TMEM128: variants seen among roughly 807,000 people sequenced by gnomAD.
The protein encoded by TMEM128 is transmembrane protein 128.
Under a neutral mutation model 19.7 loss-of-function variants are expected in TMEM128, and 16 were observed. The ratio of observed to expected loss-of-function variants is 0.81; its 90% CI spans 0.55 to 1.23. The LOEUF is 1.23. Among genes scored for constraint, TMEM128 ranks in the 50% most tolerant of loss-of-function variants. TMEM128 has a pLI of 0.00. For missense variants in TMEM128, 237 were observed against 200.8 expected, an observed-to-expected ratio of 1.18 and a Z score of -1.09; for synonymous variants, 98 against 75.8, an observed-to-expected ratio of 1.29 and a Z score of -1.52.
Position 4,247,633 on chromosome 4 carries a change from T to C in TMEM128, c.97+473A>G. The C allele has an allele frequency of 2.5e-6, 4 of 1,614,202 alleles. No homozygotes were observed. The East Asian group carries it at 6.7e-5, about 27-fold the overall frequency. ...GTACCCAAATGGCGGCATACCATAGTGTTCCACACTTCCCTTTGAAAATCA... is the reference window on the plus strand; with the variant it reads ...GTACCCAAATGGCGGCATACCATAGCGTTCCACACTTCCCTTTGAAAATCA... On this transcript the variant is annotated intron_variant, in intron 1 of 4. Transcript: ENST00000382753.
At chr4:4,237,972 A>G (rs369420614) in intron 3 of TMEM128, 37 bp from the exon 4 acceptor site, 30 of 1,245,526 alleles carry the variant, frequency 2.4e-5, no homozygotes, top group Non-Finnish European at 3.2e-5. Flanking sequence ...GACAACTCCA[A>G]TATGCATCAA....
intron 1 of TMEM128, 147 bp downstream of exon 1, chr4:4,247,959 C>T (rs1367498486): frequency 7.0e-7 from 1 of 1,436,610 alleles, no homozygotes; most frequent in South Asian, 1.5e-5. Context: ...CAGCACTCCG[C>T]GATTCTAAGG....
At chr4:4,246,430 G>C (rs1718176408) in intron 1 of TMEM128, 87 bp from the exon 2 acceptor site, 1 of 1,359,006 alleles carries the variant, frequency 7.4e-7, no homozygotes, top group African/African-American at 1.5e-5. Context: ...TCATTTCCTA[G>C]AGCTAAGAAA....
chr4:4,244,951 C>G (rs985795004), intron 2 of TMEM128, among the ~76,000 whole-genome samples: 1 of 152,126 alleles, frequency 6.6e-6, no homozygotes, highest in Admixed American at 6.5e-5. Flanking sequence ...ATAAACTCCC[C>G]TCTGCCTACT....
At chr4:4,247,682 A>AC in intron 1 of TMEM128, 2 of 1,613,626 alleles carry the variant, frequency 1.2e-6, no homozygotes, top group Non-Finnish European at 1.7e-6. Context: ...ATACGAGTCG[A>AC]CCTGATGTGT....
intron 2 of TMEM128, among the ~76,000 whole-genome samples, chr4:4,244,358 T>C (rs2108820655): frequency 6.6e-6 from 1 of 152,204 alleles, no homozygotes; most frequent in South Asian, 2.1e-4. Context: ...GCGCCTATAG[T>C]CCTAGCTACT....
At chr4:4,236,880 C>G (rs1278730365) in intron 4 of TMEM128, among the ~76,000 whole-genome samples, 4 of 152,200 alleles carry the variant, frequency 2.6e-5, no homozygotes, top group African/African-American at 9.7e-5. Context: ...CCACACCTGT[C>G]AACTGCTGTA....
intron 3 of TMEM128, 121 bp from the exon 4 acceptor site, chr4:4,238,056 G>A: frequency 3.5e-6 from 2 of 578,458 alleles, no homozygotes; most frequent in Non-Finnish European, 5.8e-6. Flanking sequence ...CTTTCTCTAT[G>A]TATCATATTT....
chr4:4,238,462 C>T (rs1717813585), intron 3 of TMEM128, among the ~76,000 whole-genome samples: 2 of 152,048 alleles, frequency 1.3e-5, no homozygotes, highest in African/African-American at 4.8e-5. Context: ...ATAGGGAAAA[C>T]TATATTCAAA....
intron 2 of TMEM128, among the ~76,000 whole-genome samples, chr4:4,242,139 C>G (rs1268528627): frequency 6.6e-6 from 1 of 152,052 alleles, no homozygotes; most frequent in Non-Finnish European, 1.5e-5. Context: ...AATTCCTGAC[C>G]TCAAGTGATC....
intron 2 of TMEM128, among the ~76,000 whole-genome samples, chr4:4,245,204 G>C (rs1338675206): frequency 6.6e-6 from 1 of 152,008 alleles, no homozygotes; most frequent in Non-Finnish European, 1.5e-5. Flanking sequence ...TTATCCAAGG[G>C]TCTCCACATC....
At position 4,246,355 on chromosome 4, in the gene TMEM128, G is replaced by A; in HGVS notation, c.98-12C>T. 1 of 1,588,194 alleles carries A rather than the reference G, an allele frequency of 6.3e-7. No individual in the cohort carries two copies. Among genetic ancestry groups the A allele is most frequent in the Non-Finnish European group, 8.5e-7 (1 of 1,171,806 alleles). On this transcript the variant is annotated splice_polypyrimidine_tract_variant and intron_variant, in intron 1 of 4. Transcript: ENST00000382753. ...AGCTGTGGAGGTTTCTGCAAATAAG[G>A]GAGATTTCAACTTATTAAGTTACCA...
Position 4,248,189 on chromosome 4 carries a change from C to G in TMEM128, c.14G>C (p.Arg5Pro). Residue 5 changes from arginine (R) to proline (P), a missense_variant, in exon 1 of 5, where the codon CGG (arginine) becomes CCG (proline). Coordinates refer to ENST00000382753, the MANE Select transcript of TMEM128 (RefSeq NM_001297551.2). MDSS[R>P]ARQQLRRRFL... ...TCGCCGCCGGAGCTGCTGCCGGGCCCGCGAGGAGTCCATCTTGGTACCGCC... is the reference window on the plus strand; with the variant it reads ...TCGCCGCCGGAGCTGCTGCCGGGCCGGCGAGGAGTCCATCTTGGTACCGCC... The G allele has an allele frequency of 6.6e-7, 1 of 1,525,406 alleles. No individual in the cohort carries two copies. The highest frequency in any genetic ancestry group is 8.8e-7 in the Non-Finnish European group (1 of 1,136,922). The allele number at this position is 1,525,406 out of a possible 1,614,324, so 94.5% of individuals were successfully genotyped here. A position where few individuals can be genotyped will look rare whatever the true frequency, so the allele number is the denominator to read the frequency against.
chr4:4,245,506 C>G (rs1173044318), intron 2 of TMEM128, among the ~76,000 whole-genome samples: 1 of 152,184 alleles, frequency 6.6e-6, no homozygotes, highest in Non-Finnish European at 1.5e-5. Flanking sequence ...TGTACTTGGT[C>G]TTTGAAGACC....
chr4:4,247,524 A>T, intron 1 of TMEM128: 1 of 1,606,574 alleles, frequency 6.2e-7, no homozygotes, highest in Non-Finnish European at 8.5e-7. Context: ...AATCCCCAGA[A>T]GCAACCACCA....
chr4:4,237,851 G>C lies in TMEM128; in HGVS notation c.483C>G (p.Ile161Met). The stretch of plus-strand genomic sequence containing the variant: ...CCTTCGGAAATCATCCAAGGAGTGT[G>C]ATAAACATGACAACCCCCATAAACT... ...FTQFMGVVMF[I>M]TLLG is the part of the protein sequence containing the mutation. The change falls in exon 4 of 5, where the codon ATC becomes ATG. Residue 161 changes from isoleucine to methionine, a missense_variant. Physicochemically the swap from Ile to Met is conservative, Grantham distance 10 (BLOSUM62 1). Coordinates refer to ENST00000382753, the MANE Select transcript of TMEM128 (RefSeq NM_001297551.2). The C allele has an allele frequency of 6.3e-7, 1 of 1,597,896 alleles. No individual in the cohort carries two copies. Among genetic ancestry groups the C allele is most frequent in the Non-Finnish European group, 8.5e-7 (1 of 1,170,434 alleles).
intron 1 of TMEM128, 51 bp downstream of exon 1, chr4:4,248,047 CGGCCGTTT>C: frequency 6.5e-7 from 1 of 1,527,034 alleles, no homozygotes; most frequent in Non-Finnish European, 8.8e-7. Context: ...TGCCGGAGGC[CGGCCGTTT>C]TCCGACGCCT....
intron 1 of TMEM128, among the ~76,000 whole-genome samples, chr4:4,246,599 A>T (rs926299804): frequency 1.3e-5 from 2 of 152,328 alleles, no homozygotes; most frequent in African/African-American, 4.8e-5. Flanking sequence ...TCTTTCGGAA[A>T]TAACAATGTC....
chr4:4,242,656 T>C (rs1434575432), intron 2 of TMEM128, among the ~76,000 whole-genome samples: 3 of 151,884 alleles, frequency 2.0e-5, no homozygotes, highest in Non-Finnish European at 4.4e-5. Context: ...GCAGCTGATA[T>C]TACAGGTGCC....
Sources: gnomAD v4.1 joint callset for allele counts (sites outside exome capture counted in the v4.1 genomes callset) on GRCh38, gnomAD v4.1.1 for gene constraint, MANE v1.5 for transcripts, NCBI Gene and HGNC (gene_info 2026-07-23, HGNC 2026-07-21) for gene names.